The following SH3PXD2A variants were observed in gnomAD, a reference collection of about 807,000 sequenced individuals.
The protein encoded by SH3PXD2A is SH3 and PX domains 2A, also known as SH3 and PX domain-containing protein 2A.
A neutral mutation model predicts 115.2 loss-of-function variants in SH3PXD2A; 32 were observed. The observed-to-expected ratio is 0.28, with a 90% CI of 0.21 to 0.37. The LOEUF is 0.37. SH3PXD2A is among the 10% of genes least tolerant of loss of function. SH3PXD2A has a pLI of 1.00. For synonymous variants in SH3PXD2A, 610 were observed against 629.1 expected, an observed-to-expected ratio of 0.97 and a Z score of 0.45; for missense variants, 1,328 against 1,498.7, an observed-to-expected ratio of 0.89 and a Z score of 1.88.
intron 2 of SH3PXD2A, among the ~76,000 whole-genome samples, chr10:103,799,231 C>T (rs2039124415): frequency 6.6e-6 from 1 of 152,230 alleles, no homozygotes; most frequent in Admixed American, 6.5e-5. Context: ...GAGTTAGCAA[C>T]TCCCTTTGTT....
rs1176333434 is a variant in SH3PXD2A at position 103,724,322 on chromosome 10, C to G, written c.346G>C (p.Glu116Gln). Residue 116 changes from glutamate to glutamine, a missense_variant, in exon 5 of 15, where the codon GAA becomes CAA. Around this residue, in one of 5 missense-constraint regions of SH3PXD2A, gnomAD observed 110 missense variants for 160.0 expected, o/e 0.69. Transcript: ENST00000369774. ...CGAGCCTCGAAGAACCGGAAGACTT[C>G]GTCACACTGTGAGATGTGGGGGGGC... ...RLPPHISQCD[E>Q]VFRFFEARPE... The G allele has an allele frequency of 1.3e-6, 2 of 1,584,818 alleles. No individual in the cohort carries two copies. The highest frequency in any genetic ancestry group is 1.8e-5 in the Admixed American group (1 of 54,538).
rs1291927388 is a variant in SH3PXD2A at position 103,620,452 on chromosome 10, C to G, written c.802+2018G>C. The stretch of plus-strand genomic sequence containing the variant: ...GCAGTCTCCCCACTCCCTTCCTGCC[C>G]CCACGACTTACCCAACCCCACTGAG... On this transcript the variant is annotated intron_variant, in intron 10 of 14. Coordinates refer to ENST00000369774, the MANE Select transcript of SH3PXD2A (RefSeq NM_001394015.1). The surrounding 1 kb of genome is among the most constrained non-coding windows in gnomAD (Gnocchi z 5.3). Among the ~76,000 whole-genome samples, 1 of 152,224 alleles carries G rather than the reference C, an allele frequency of 6.6e-6. No individual in the cohort carries two copies. The highest frequency in any genetic ancestry group is 1.5e-5 in the Non-Finnish European group (1 of 68,046).
At position 103,602,495 on chromosome 10, in the gene SH3PXD2A, T is replaced by C. The variant is rs2036233189; in HGVS notation, c.2723A>G (p.Glu908Gly). The change falls in exon 15 of 15, where the codon GAG (glutamate) becomes GGG (glycine). Residue 908 changes from glutamate to glycine, a missense_variant. Around this residue, in one of 5 missense-constraint regions of SH3PXD2A, gnomAD observed 574 missense variants for 565.7 expected, o/e 1.01. Transcript: ENST00000369774. ...GCCCTTGGCGGGCACTGTGTCCAGC[T>C]CTTTGCCAGAGGGGTCAGGTTGCTC... ...ENEQPDPSGK[E>G]LDTVPAKGRQ... 2 of 1,614,136 alleles carry C rather than the reference T, an allele frequency of 1.2e-6. No individual in the cohort carries two copies. Among genetic ancestry groups the C allele is most frequent in the Non-Finnish European group, 1.7e-6 (2 of 1,180,018 alleles).
chr10:103,801,398 G>A, intron 1 of SH3PXD2A, 36 bp from the exon 2 acceptor site: 11 of 1,352,862 alleles, frequency 8.1e-6, no homozygotes, highest in Non-Finnish European at 1.2e-5. Context: ...GAGCAAGGCT[G>A]GATTTCAAGC....
intron 3 of SH3PXD2A, among the ~76,000 whole-genome samples, chr10:103,740,629 G>C (rs1425095843): frequency 1.3e-5 from 2 of 152,222 alleles, no homozygotes; most frequent in Non-Finnish European, 2.9e-5. Context: ...GATTATAGGA[G>C]CCGTAAGAGA....
intron 2 of SH3PXD2A, among the ~76,000 whole-genome samples, chr10:103,768,362 G>C (rs562580739): frequency 1.8e-4 from 28 of 152,334 alleles, no homozygotes; most frequent in Admixed American, 1.2e-3. Context: ...AGACCTGCAG[G>C]GGGGCGAGGA....
intron 2 of SH3PXD2A, among the ~76,000 whole-genome samples, chr10:103,789,781 C>T (rs901150584): frequency 3.3e-5 from 5 of 151,616 alleles, no homozygotes; most frequent in Non-Finnish European, 7.4e-5. Context: ...ATTCCAACGC[C>T]TCCCTGACGT....
rs184712492 is a variant in SH3PXD2A at position 103,639,812 on chromosome 10, G to A, written c.605-12610C>T. Among the ~76,000 whole-genome samples, 49 of 152,242 alleles carry A rather than the reference G, an allele frequency of 3.2e-4. No homozygotes were observed. In the East Asian group the frequency reaches 8.9e-3, roughly 28 times the overall value. On this transcript the variant is annotated intron_variant, in intron 8 of 14. Transcript: ENST00000369774. ...CTCTAATGTCACAACTGTAAATGAT[G>A]TGGATGGTGAGAGAGACCTGCTGTC...
At chr10:103,770,660 G>C (rs2038807494) in intron 2 of SH3PXD2A, among the ~76,000 whole-genome samples, 1 of 152,160 alleles carries the variant, frequency 6.6e-6, no homozygotes, top group Non-Finnish European at 1.5e-5. Context: ...GGTGTCCCTG[G>C]CAGCTGGTTA....
At chr10:103,816,388 C>A (rs188259646) in intron 1 of SH3PXD2A, among the ~76,000 whole-genome samples, 1 of 152,200 alleles carries the variant, frequency 6.6e-6, no homozygotes, top group Non-Finnish European at 1.5e-5. Context: ...TACAAATGGC[C>A]AATAAGCACA....
rs976772127 is a variant in SH3PXD2A, at chr10:103,614,561, G to A, written c.921-1371C>T. Among the ~76,000 whole-genome samples, 28 of 152,298 alleles carry A rather than the reference G, an allele frequency of 1.8e-4. 1 individual carries two copies. Among genetic ancestry groups the A allele is most frequent in the African/African-American group, 6.0e-4 (25 of 41,552 alleles). Reference sequence around the variant, plus strand: ...GGGCTGACTTAATTTCTGGTGATTCGATGACTTCTGAAAACAAGCTTTTCC... The same window carrying A: ...GGGCTGACTTAATTTCTGGTGATTCAATGACTTCTGAAAACAAGCTTTTCC... On this transcript the variant is annotated intron_variant, in intron 11 of 14. Transcript: ENST00000369774.
At chr10:103,605,675 T>C (rs561414043) in intron 14 of SH3PXD2A, 123 bp downstream of exon 14, 26 of 1,252,782 alleles carry the variant, frequency 2.1e-5, no homozygotes, top group African/African-American at 2.1e-4. Context: ...GTGGGGCTCA[T>C]TTCTGTACCT....
At position 103,598,364 on chromosome 10, in the gene SH3PXD2A, G is replaced by A. The variant is rs1461268370; in HGVS notation, c.*3452C>T. On this transcript the variant is annotated 3_prime_UTR_variant, in exon 15 of 15. Coordinates refer to ENST00000369774, the MANE Select transcript of SH3PXD2A (RefSeq NM_001394015.1). Reference sequence around the variant, plus strand: ...GAGGAGGAGAGGGGCAACACAGCCAGGTCTGCTGTCACAAAGAGGGATGAG... The same window carrying A: ...GAGGAGGAGAGGGGCAACACAGCCAAGTCTGCTGTCACAAAGAGGGATGAG... The A allele has an allele frequency of 2.0e-5, 3 of 152,500 alleles. No homozygotes were observed. The highest frequency in any genetic ancestry group is 7.2e-5 in the African/African-American group (3 of 41,446). 9.4% of individuals were successfully genotyped at this position (152,500 alleles called of 1,614,324 possible). A position where few individuals can be genotyped will look rare whatever the true frequency, so the allele number is the denominator to read the frequency against.
At position 103,832,588 on chromosome 10, in the gene SH3PXD2A, T is replaced by A. The variant is rs144181512; in HGVS notation, c.72+22607A>T. Reference sequence around the variant, plus strand: ...CTATGCAGCCATAAAAAAGGATGAGTTCATGTCCTTTGTAGGGACATGGAT... The same window carrying A: ...CTATGCAGCCATAAAAAAGGATGAGATCATGTCCTTTGTAGGGACATGGAT... On this transcript the variant is annotated intron_variant, in intron 1 of 14. Transcript: ENST00000369774. Among the ~76,000 whole-genome samples, 1,207 of 152,164 alleles carry A rather than the reference T, an allele frequency of 7.9e-3. 16 individuals carry two copies. The highest frequency in any genetic ancestry group is 0.027 in the African/African-American group (1,125 of 41,508).
At chr10:103,736,360 T>C (rs2038381068) in intron 3 of SH3PXD2A, among the ~76,000 whole-genome samples, 1 of 152,202 alleles carries the variant, frequency 6.6e-6, no homozygotes, top group Non-Finnish European at 1.5e-5. Context: ...CCTCCAGCCA[T>C]ACGGGCTGCT....
In SH3PXD2A at chr10:103,596,687, A is replaced by ACC. The variant is rs1554901378; in HGVS notation, c.*5128_*5129insGG. ...CACTCTCTCTCTCTCTCTCTCTCTC[A>ACC]CAACACATGGCCCTCAAAAAAGTGA... On this transcript the variant is annotated 3_prime_UTR_variant, in exon 15 of 15. Coordinates refer to ENST00000369774, the MANE Select transcript of SH3PXD2A (RefSeq NM_001394015.1). 6.9e-6 allele frequency: 1 copy of ACC among 144,314 alleles called. No individual in the cohort carries two copies. 8.9% of individuals were successfully genotyped at this position (144,314 alleles called of 1,614,324 possible).
chr10:103,650,229 C>T (rs1335080787), intron 8 of SH3PXD2A, among the ~76,000 whole-genome samples: 2 of 152,170 alleles, frequency 1.3e-5, no homozygotes, highest in Non-Finnish European at 2.9e-5. Context: ...CCCCCTCCTC[C>T]CCTCACCTGG....
In SH3PXD2A at chr10:103,627,733, C is replaced by T. The variant is rs1048074003; in HGVS notation, c.605-531G>A. On this transcript the variant is annotated intron_variant, in intron 8 of 14. Transcript: ENST00000369774. This position sits in a 1 kb window ranked among gnomAD's most constrained non-coding sequence, Gnocchi z 4.4. ...CCTTTAAGTGTGTTCACGTTTCAGT[C>T]GCGGTAAGTGGGCACTGCATCCTCA... 2.0e-5 allele frequency among the ~76,000 whole-genome samples: 3 copies of T among 152,194 alleles called. No individual in the cohort carries two copies. Among genetic ancestry groups the T allele is most frequent in the African/African-American group, 7.2e-5 (3 of 41,450 alleles).
chr10:103,814,021 A>AC (rs200585318), intron 1 of SH3PXD2A, among the ~76,000 whole-genome samples: 1,508 of 146,504 alleles, frequency 0.01, 33 homozygotes, highest in African/African-American at 0.037. Context: ...AAAAACAACA[A>AC]AAAAAAAACC....
Sources: allele counts gnomAD v4.1 joint callset (sites outside exome capture counted in the v4.1 genomes callset), GRCh38; gene constraint gnomAD v4.1.1; regional missense constraint gnomAD v4.1.1; non-coding constraint Gnocchi (gnomAD v3.1); transcripts MANE v1.5; gene names NCBI Gene and HGNC (gene_info 2026-07-23, HGNC 2026-07-21).